Variants in PTPRM observed in about 807,000 individuals in gnomAD.
PTPRM encodes protein tyrosine phosphatase receptor type M, also known as receptor-type tyrosine-protein phosphatase mu.
A neutral mutation model predicts 186.7 loss-of-function variants in PTPRM; 47 were observed. That is an observed-to-expected ratio of 0.25 (90% confidence interval 0.20 to 0.32). The LOEUF is 0.32. PTPRM is among the 10% of genes least tolerant of loss of function. PTPRM has a pLI of 1.00. For synonymous variants in PTPRM, 668 were observed against 674.9 expected, an observed-to-expected ratio of 0.99 and a Z score of 0.16; for missense variants, 1,494 against 1,865.0, an observed-to-expected ratio of 0.80 and a Z score of 3.66.
At chr18:7,984,572 C>CATATATATAT (rs71354583) in intron 7 of PTPRM, among the ~76,000 whole-genome samples, 1,003 of 88,458 alleles carry the variant, frequency 0.011, 18 homozygotes, top group Middle Eastern at 0.021. Flanking sequence ...ATATATGCCC[C>CATATATATAT]ATATATATAT....
chr18:8,267,989 G>A (rs569917799), intron 19 of PTPRM, among the ~76,000 whole-genome samples: 1 of 152,178 alleles, frequency 6.6e-6, no homozygotes, highest in South Asian at 2.1e-4. Flanking sequence ...ATGTGTCTAA[G>A]CTCTTTTATT....
At chr18:7,780,453 T>A (rs2042800830) in intron 2 of PTPRM, among the ~76,000 whole-genome samples, 1 of 152,216 alleles carries the variant, frequency 6.6e-6, no homozygotes, top group Non-Finnish European at 1.5e-5. Flanking sequence ...TGGATCTTCT[T>A]GAAATGAATG....
intron 1 of PTPRM, among the ~76,000 whole-genome samples, chr18:7,617,559 G>GA (rs1170401980): frequency 6.6e-6 from 1 of 151,772 alleles, no homozygotes; most frequent in Non-Finnish European, 1.5e-5. Context: ...TTATTTTTGG[G>GA]AAAAAACATA....
At chr18:7,962,208 C>T (rs2053728235) in intron 7 of PTPRM, among the ~76,000 whole-genome samples, 2 of 151,872 alleles carry the variant, frequency 1.3e-5, no homozygotes, top group East Asian at 3.9e-4. Flanking sequence ...GTATGCCTGC[C>T]TTGTTCTTCT....
intron 1 of PTPRM, among the ~76,000 whole-genome samples, chr18:7,661,734 A>G (rs1328802077): frequency 5.9e-5 from 9 of 152,160 alleles, no homozygotes; most frequent in Non-Finnish European, 1.5e-5. Context: ...GCCAGAATAT[A>G]ATACTTCCAA....
chr18:8,340,403 A>T (rs376730142), intron 22 of PTPRM, among the ~76,000 whole-genome samples: 1 of 102,184 alleles, frequency 9.8e-6, no homozygotes, highest in Non-Finnish European at 2.7e-5. Flanking sequence ...ATCTTTTTTT[A>T]GCGTAGGTCA....
chr18:8,139,793 C>T (rs78371056), intron 13 of PTPRM, among the ~76,000 whole-genome samples: 1 of 151,478 alleles, frequency 6.6e-6, no homozygotes, highest in African/African-American at 2.4e-5. Context: ...CTTCACCCCC[C>T]AGCCCACTCC....
At chr18:8,292,164 A>G (rs930599172) in intron 19 of PTPRM, among the ~76,000 whole-genome samples, 1 of 152,086 alleles carries the variant, frequency 6.6e-6, no homozygotes, top group Non-Finnish European at 1.5e-5. Context: ...ATGAAGTTTT[A>G]TTTTCTAACT....
At chr18:7,861,764 G>A (rs1400385149) in intron 2 of PTPRM, among the ~76,000 whole-genome samples, 2 of 151,740 alleles carry the variant, frequency 1.3e-5, no homozygotes, top group East Asian at 1.9e-4. Flanking sequence ...GGGTGTGTGT[G>A]TGTGAGAGAG....
intron 24 of PTPRM, among the ~76,000 whole-genome samples, chr18:8,374,311 A>C (rs1360832221): frequency 6.6e-6 from 1 of 151,928 alleles, no homozygotes; most frequent in African/African-American, 2.4e-5. Context: ...CCATGCTCCC[A>C]CTCCCCAAAA....
At chr18:8,012,802 G>C (rs1391053033) in intron 7 of PTPRM, among the ~76,000 whole-genome samples, 8 of 152,106 alleles carry the variant, frequency 5.3e-5, no homozygotes, top group African/African-American at 1.9e-4. Flanking sequence ...TTGAAATGCT[G>C]TCTCTTAGCA....
chr18:7,723,449 T>G (rs941656302), intron 1 of PTPRM, among the ~76,000 whole-genome samples: 3 of 152,158 alleles, frequency 2.0e-5, no homozygotes, highest in African/African-American at 7.2e-5. Flanking sequence ...AAAGAGCCCT[T>G]AAGTACCTGG....
At chr18:7,743,838 T>A in intron 1 of PTPRM, among the ~76,000 whole-genome samples, 1 of 152,234 alleles carries the variant, frequency 6.6e-6, no homozygotes, top group East Asian at 1.9e-4. Flanking sequence ...ATACTTTTGT[T>A]TACATAAAAG....
intron 2 of PTPRM, among the ~76,000 whole-genome samples, chr18:7,849,916 C>A (rs1443611): frequency 0.67 from 102,270 of 152,054 alleles, 34,871 homozygotes; most frequent in East Asian, 0.96. Context: ...TACTAGTAAT[C>A]ATAATAGTTT....
At chr18:7,936,105 T>C (rs9960576) in intron 5 of PTPRM, among the ~76,000 whole-genome samples, 60,813 of 152,138 alleles carry the variant, frequency 0.4, 14,989 homozygotes, top group African/African-American at 0.7. Context: ...TTCATGGGGC[T>C]GGCGGGAACT....
chr18:7,821,823 T>C (rs755253121), intron 2 of PTPRM, among the ~76,000 whole-genome samples: 1 of 152,132 alleles, frequency 6.6e-6, no homozygotes, highest in Non-Finnish European at 1.5e-5. Context: ...GATCTACTGG[T>C]CAAAGGGATG....
intron 2 of PTPRM, among the ~76,000 whole-genome samples, chr18:7,853,123 A>G (rs1043421574): frequency 9.2e-5 from 14 of 152,254 alleles, no homozygotes; most frequent in Non-Finnish European, 1.9e-4. Flanking sequence ...ACTTCAAAGA[A>G]TAGAATGTTC....
At chr18:7,736,179 G>C (rs1449277668) in intron 1 of PTPRM, among the ~76,000 whole-genome samples, 1 of 152,186 alleles carries the variant, frequency 6.6e-6, no homozygotes, top group Non-Finnish European at 1.5e-5. Context: ...TCAGGGCTGA[G>C]AGACAAGTGA....
At chr18:7,674,300 T>C (rs1218397911) in intron 1 of PTPRM, among the ~76,000 whole-genome samples, 2 of 152,122 alleles carry the variant, frequency 1.3e-5, no homozygotes, top group Non-Finnish European at 2.9e-5. Flanking sequence ...ACCATCCTTG[T>C]AAAAGATGAA....
Sources: gnomAD v4.1 joint callset for allele counts (sites outside exome capture counted in the v4.1 genomes callset) on GRCh38, gnomAD v4.1.1 for gene constraint, MANE v1.5 for transcripts, NCBI Gene and HGNC (gene_info 2026-07-23, HGNC 2026-07-21) for gene names.